Variants in LDAH observed in about 807,000 individuals in gnomAD.
The protein encoded by LDAH is lipid droplet-associated hydrolase.
LDAH carries 26 observed loss-of-function variants against 29.6 expected under a neutral mutation model. That is an observed-to-expected ratio of 0.88 (90% CI 0.64 to 1.22). The LOEUF (loss-of-function observed/expected upper bound fraction) is 1.22. Ranked by LOEUF, LDAH falls within the 50% of genes most tolerant of loss-of-function variation. LDAH has a pLI of 0.00. For missense variants in LDAH, 344 were observed against 387.3 expected, an observed-to-expected ratio of 0.89 and a Z score of 0.94; for synonymous variants, 117 against 133.0, an observed-to-expected ratio of 0.88 and a Z score of 0.83.
intron 5 of LDAH, among the ~76,000 whole-genome samples, chr2:20,715,486 T>C (rs1356808903): frequency 6.6e-6 from 1 of 152,204 alleles, no homozygotes; most frequent in Non-Finnish European, 1.5e-5. Context: ...AGGGATGCCC[T>C]ATCTCACCAC....
intron 5 of LDAH, among the ~76,000 whole-genome samples, chr2:20,735,415 T>C (rs541031901): frequency 1.3e-4 from 20 of 152,178 alleles, no homozygotes; most frequent in African/African-American, 4.3e-4. Context: ...GTTCCATCCA[T>C]TGAGATTTTA....
intron 4 of LDAH, among the ~76,000 whole-genome samples, chr2:20,771,991 T>C (rs886619861): frequency 6.6e-6 from 1 of 152,208 alleles, no homozygotes; most frequent in Non-Finnish European, 1.5e-5. Context: ...CAAGGACACC[T>C]GAAGGCAGGA....
intron 1 of LDAH, among the ~76,000 whole-genome samples, chr2:20,803,940 ATG>A (rs1328271194): frequency 2.0e-5 from 3 of 152,142 alleles, no homozygotes; most frequent in African/African-American, 7.2e-5. Context: ...TATATCTCTC[ATG>A]TGTCTGTGCA....
intron 3 of LDAH, among the ~76,000 whole-genome samples, chr2:20,780,265 C>A (rs1017321984): frequency 1.3e-5 from 2 of 152,122 alleles, no homozygotes; most frequent in Admixed American, 6.5e-5. Context: ...AATTATTATT[C>A]TCCAAACGGT....
intron 3 of LDAH, chr2:20,789,445 A>G: frequency 7.0e-7 from 1 of 1,432,688 alleles, no homozygotes. Context: ...TCCATTTTTA[A>G]AAGCTACTTA....
chr2:20,695,185 CTAT>C, intron 6 of LDAH, among the ~76,000 whole-genome samples: 1 of 152,330 alleles, frequency 6.6e-6, no homozygotes, highest in South Asian at 2.1e-4. Flanking sequence ...ATTATGGTTC[CTAT>C]ACAACAGCTC....
chr2:20,726,998 C>T (rs1246877493), intron 5 of LDAH, among the ~76,000 whole-genome samples: 1 of 152,232 alleles, frequency 6.6e-6, no homozygotes, highest in Admixed American at 6.5e-5. Context: ...AATCCTAACA[C>T]TGACCGAAAA....
chr2:20,733,576 GT>G (rs1666566617), intron 5 of LDAH, among the ~76,000 whole-genome samples: 1 of 151,844 alleles, frequency 6.6e-6, no homozygotes. Context: ...GCTAATTTTT[GT>G]ATTTTTAGTA....
At chr2:20,744,927 G>A (rs531432888) in intron 4 of LDAH, among the ~76,000 whole-genome samples, 1 of 152,144 alleles carries the variant, frequency 6.6e-6, no homozygotes, top group East Asian at 1.9e-4. Context: ...GTAACTTGTG[G>A]CTCTCGGTAT....
intron 1 of LDAH, among the ~76,000 whole-genome samples, chr2:20,810,273 T>C (rs912549873): frequency 4.6e-5 from 7 of 152,214 alleles, no homozygotes; most frequent in African/African-American, 1.7e-4. Flanking sequence ...TGCATGTGCC[T>C]TCTCCATTTG....
chr2:20,785,259 T>C (rs1161595991), intron 3 of LDAH, among the ~76,000 whole-genome samples: 2 of 152,240 alleles, frequency 1.3e-5, no homozygotes, highest in African/African-American at 4.8e-5. Flanking sequence ...TTTCCTCAGC[T>C]GCTGTTGGTC....
chr2:20,760,728 C>T (rs1428372033), intron 4 of LDAH, among the ~76,000 whole-genome samples: 1 of 152,188 alleles, frequency 6.6e-6, no homozygotes, highest in Non-Finnish European at 1.5e-5. Flanking sequence ...GCTTTTAAAG[C>T]CAGCATGGGA....
Position 20,685,898 on chromosome 2 carries a change from G to A in LDAH, c.*1005C>T. 2.3e-6 allele frequency: 1 copy of A among 426,122 alleles called. No individual in the cohort carries two copies. Among genetic ancestry groups the A allele is most frequent in the South Asian group, 4.8e-5 (1 of 20,922 alleles). The allele number at this position is 426,122 out of a possible 1,614,324, so 26.4% of individuals were successfully genotyped here. On this transcript the variant is annotated 3_prime_UTR_variant, in exon 7 of 7. Transcript: ENST00000237822. ...AGCAAATGAAGTTAATGCAGAAATG[G>A]AGAGTTAATGTATGGCAATGTTTTA...
At chr2:20,779,160 T>C (rs1670013376) in intron 3 of LDAH, among the ~76,000 whole-genome samples, 1 of 152,210 alleles carries the variant, frequency 6.6e-6, no homozygotes, top group African/African-American at 2.4e-5. Flanking sequence ...TCCAAAGCTG[T>C]ATCTTAATAA....
chr2:20,710,585 G>GGTGTGTGT (rs376841719), intron 5 of LDAH, among the ~76,000 whole-genome samples: 9 of 115,926 alleles, frequency 7.8e-5, no homozygotes, highest in African/African-American at 1.5e-4. Context: ...TATATATAGG[G>GGTGTGTGT]GTGTGTGTGT....
Position 20,701,552 on chromosome 2 carries a change from C to T in LDAH, c.786+18G>A, listed in dbSNP as rs759570522. The T allele has an allele frequency of 3.1e-6, 5 of 1,603,970 alleles. No homozygotes were observed. Among genetic ancestry groups the T allele is most frequent in the Non-Finnish European group, 4.3e-6 (5 of 1,170,900 alleles). On this transcript the variant is annotated intron_variant, in intron 6 of 6. Transcript: ENST00000237822. ...CATCTACTTATTATCTATCCCCTTG[C>T]AGCACTAAAGTGATTACCTTACATA... is the stretch of plus-strand genomic sequence containing the variant.
Position 20,685,293 on chromosome 2 carries a change from A to C in LDAH, c.*1610T>G. On this transcript the variant is annotated 3_prime_UTR_variant, in exon 7 of 7. Transcript: ENST00000237822. ...TATTGTTTACATGCCTTGATTTAGT[A>C]TCAGTGAGTATCTCCTGTATGCAAG... is the stretch of plus-strand genomic sequence containing the variant. The C allele has an allele frequency of 1.9e-6, 1 of 521,390 alleles. No individual in the cohort carries two copies. The highest frequency in any genetic ancestry group is 3.3e-6 in the Non-Finnish European group (1 of 300,686). 32.3% of individuals were successfully genotyped at this position (521,390 alleles called of 1,614,324 possible).
intron 4 of LDAH, among the ~76,000 whole-genome samples, chr2:20,755,031 T>C (rs1440934803): frequency 6.6e-6 from 1 of 152,128 alleles, no homozygotes; most frequent in Admixed American, 6.5e-5. Flanking sequence ...AATATTCTTA[T>C]TCTTAAGAAC....
At chr2:20,723,961 A>G (rs1388190617) in intron 5 of LDAH, among the ~76,000 whole-genome samples, 1 of 152,236 alleles carries the variant, frequency 6.6e-6, no homozygotes, top group Non-Finnish European at 1.5e-5. Context: ...GTTATTTACT[A>G]ACATTATTTT....
Sources: gnomAD v4.1 joint callset for allele counts (sites outside exome capture counted in the v4.1 genomes callset) on GRCh38, gnomAD v4.1.1 for gene constraint, MANE v1.5 for transcripts, NCBI Gene and HGNC (gene_info 2026-07-23, HGNC 2026-07-21) for gene names.